KCNQ4: variants seen among roughly 807,000 people sequenced by gnomAD.
KCNQ4 encodes potassium voltage-gated channel subfamily Q member 4, also known as potassium voltage-gated channel subfamily KQT member 4.
KCNQ4 carries 31 observed loss-of-function variants against 72.6 expected under a neutral mutation model. The ratio of observed to expected loss-of-function variants is 0.43; its 90% CI spans 0.32 to 0.58. The LOEUF (loss-of-function observed/expected upper bound fraction) is 0.58. Among genes scored for constraint, KCNQ4 ranks in the 20% least tolerant of loss-of-function variants. The probability of loss-of-function intolerance (pLI) is 0.08; values close to 1 mark genes in which losing one functional copy is unlikely to be tolerated. For missense variants in KCNQ4, 869 were observed against 962.6 expected (o/e 0.90, Z 1.29); for synonymous variants, 405 against 403.7 (o/e 1.00, Z -0.04).
intron 1 of KCNQ4, among the ~76,000 whole-genome samples, chr1:40,810,343 A>G (rs1003766163): frequency 6.6e-6 from 1 of 152,140 alleles, no homozygotes; most frequent in Non-Finnish European, 1.5e-5. Flanking sequence ...GGTTGTGCGG[A>G]AGGCTTCTTG....
intron 1 of KCNQ4, among the ~76,000 whole-genome samples, chr1:40,789,493 CT>C (rs1647240414): frequency 6.6e-6 from 1 of 152,130 alleles, no homozygotes. Flanking sequence ...TTTGCTTGGT[CT>C]TTGTAAGGAG....
At chr1:40,821,764 G>C (rs74889821) in intron 7 of KCNQ4, among the ~76,000 whole-genome samples, 6,247 of 152,266 alleles carry the variant, frequency 0.041, 154 homozygotes, top group African/African-American at 0.055. Flanking sequence ...TGCAGTCTAG[G>C]GGGAGAGAAA....
At chr1:40,819,206 G>A in intron 4 of KCNQ4, 141 bp from the exon 5 acceptor site, 1 of 1,008,130 alleles carries the variant, frequency 9.9e-7, no homozygotes, top group Non-Finnish European at 1.5e-6. Flanking sequence ...CAGGGTCGCC[G>A]TGATGGGAGG....
At chr1:40,809,682 C>T (rs532350146) in intron 1 of KCNQ4, among the ~76,000 whole-genome samples, 7 of 152,340 alleles carry the variant, frequency 4.6e-5, no homozygotes, top group Non-Finnish European at 1.0e-4. Flanking sequence ...CTTGGTCTTT[C>T]TGCTGAGTCT....
At chr1:40,808,912 A>G (rs1647844384) in intron 1 of KCNQ4, among the ~76,000 whole-genome samples, 1 of 152,094 alleles carries the variant, frequency 6.6e-6, no homozygotes, top group Non-Finnish European at 1.5e-5. Context: ...AACATCTTCA[A>G]ATTGTTAAAC....
In KCNQ4 at chr1:40,839,481, G is replaced by A. The variant is rs1000979525; in HGVS notation, c.*958G>A. ...TGACACACTTGGAGACATGAGTGCA[G>A]AGCCACTCAGCCGCTCCTGGGCCTC... On this transcript the variant is annotated 3_prime_UTR_variant, in exon 14 of 14. Transcript: ENST00000347132. 2 of 152,228 alleles carry A rather than the reference G, an allele frequency of 1.3e-5. No individual in the cohort carries two copies. Among genetic ancestry groups the A allele is most frequent in the African/African-American group, 2.4e-5 (1 of 41,432 alleles). 9.4% of individuals were successfully genotyped at this position (152,228 alleles called of 1,614,324 possible). A position where few individuals can be genotyped will look rare whatever the true frequency, so the allele number is the denominator to read the frequency against.
chr1:40,804,993 C>G (rs185807506), intron 1 of KCNQ4: 1 of 152,186 alleles, frequency 6.6e-6, no homozygotes, highest in Admixed American at 6.5e-5. Flanking sequence ...CTCCTGGGAA[C>G]AGAGGACCAT....
chr1:40,831,826 C>G (rs1264339180), intron 10 of KCNQ4, among the ~76,000 whole-genome samples: 2 of 152,236 alleles, frequency 1.3e-5, no homozygotes, highest in Non-Finnish European at 1.5e-5. Context: ...CACTGCCCAG[C>G]ACTGGCTTAT....
chr1:40,819,568 G>C, intron 5 of KCNQ4, 96 bp downstream of exon 5: 1 of 1,532,156 alleles, frequency 6.5e-7, no homozygotes, highest in Non-Finnish European at 9.0e-7. Context: ...TCAGGGTTGA[G>C]CGGGCCTGCC....
In KCNQ4 at chr1:40,784,228, C is replaced by A; in HGVS notation, c.135C>A (p.Leu45=). 8.2e-7 allele frequency: 1 copy of A among 1,213,886 alleles called. No homozygotes were observed. Among genetic ancestry groups the A allele is most frequent in the South Asian group, 3.4e-5 (1 of 29,074 alleles). 75.2% of individuals were successfully genotyped at this position (1,213,886 alleles called of 1,614,324 possible). Residue 45 remains leucine, a synonymous_variant, in exon 1 of 14, where the codon CTC becomes CTA. Transcript: ENST00000347132. The surrounding 1 kb of genome is among the most constrained non-coding windows in gnomAD (Gnocchi z 4.1). ...EAGGGGSPRR[L]GLLGSPLPPG... ...GCGGGGGCGGCTCCCCGCGCCGCCT[C>A]GGCCTCCTGGGCAGCCCCCTGCCGC... is the stretch of plus-strand genomic sequence containing the variant.
At chr1:40,837,946 G>A in intron 13 of KCNQ4, 152 bp downstream of exon 13, 1 of 1,073,864 alleles carries the variant, frequency 9.3e-7, no homozygotes, top group Non-Finnish European at 1.3e-6. Flanking sequence ...CGCCCTCGCC[G>A]CCAGACATTC....
rs964190662 is a variant in KCNQ4 at position 40,800,897 on chromosome 1, G to A, written c.315-16368G>A. Among the ~76,000 whole-genome samples the A allele has an allele frequency of 5.9e-5, 9 of 152,354 alleles. No homozygotes were observed. In the South Asian group the frequency reaches 1.0e-3, roughly 18 times the overall value. On this transcript the variant is annotated intron_variant, in intron 1 of 13. Transcript: ENST00000347132. Reference sequence around the variant, plus strand: ...TCAAAGCCGATCATGGATGGATGAGGTGGAAGAGAGACAGCCCAAGAAGGG... The same window carrying A: ...TCAAAGCCGATCATGGATGGATGAGATGGAAGAGAGACAGCCCAAGAAGGG...
chr1:40,797,798 A>G (rs566111237), intron 1 of KCNQ4, among the ~76,000 whole-genome samples: 1 of 151,998 alleles, frequency 6.6e-6, no homozygotes, highest in Non-Finnish European at 1.5e-5. Context: ...GACTTTGCCT[A>G]TAGGGAAAGT....
chr1:40,838,576 C>T lies in KCNQ4; in HGVS notation c.*53C>T. On this transcript the variant is annotated 3_prime_UTR_variant, in exon 14 of 14. Coordinates refer to ENST00000347132, the MANE Select transcript of KCNQ4 (RefSeq NM_004700.4). ...CGGCCAGCCCCGCGGCCTGGCGCTC[C>T]GACTGCCCTCTGAGGCCTCCGGACT... 9 of 1,538,446 alleles carry T rather than the reference C, an allele frequency of 5.9e-6. No homozygotes were observed. The highest frequency in any genetic ancestry group is 7.2e-6 in the Non-Finnish European group (8 of 1,111,670).
intron 9 of KCNQ4, among the ~76,000 whole-genome samples, chr1:40,824,804 T>G (rs971129570): frequency 1.3e-5 from 2 of 152,204 alleles, no homozygotes; most frequent in African/African-American, 4.8e-5. Context: ...AGGACCTGCG[T>G]AAACTCAGCC....
chr1:40,810,016 C>G (rs1344529338), intron 1 of KCNQ4, among the ~76,000 whole-genome samples: 2 of 151,626 alleles, frequency 1.3e-5, no homozygotes, highest in African/African-American at 4.8e-5. Context: ...AGTGAGCCAA[C>G]ACCACTGCAC....
In KCNQ4 at chr1:40,838,302, C is replaced by A. The variant is rs1178545542; in HGVS notation, c.1876-9C>A. On this transcript the variant is annotated splice_polypyrimidine_tract_variant and intron_variant, in intron 13 of 13. Transcript: ENST00000347132. ...CAGGCCCTGCTTCCCAGCTGCGCCC[C>A]GTCCCCAGGTGCAGTCCATCGAGCA... 1.2e-6 allele frequency: 2 copies of A among 1,612,568 alleles called. No individual in the cohort carries two copies. Among genetic ancestry groups the A allele is most frequent in the Admixed American group, 1.7e-5 (1 of 60,020 alleles).
In KCNQ4 at chr1:40,818,171, T is replaced by G; in HGVS notation, c.413T>G (p.Val138Gly). ...AGGCCCCTGGTCCCACAGGAATTCG[T>G]GATGATCGTGGTTTTCGGCTTGGAG... The part of the protein sequence containing the change: ...ANECLLILEF[V>G]MIVVFGLEYI... The change falls in exon 3 of 14, where the codon GTG becomes GGG. Residue 138 changes from valine to glycine, a missense_variant. This residue lies in a region of KCNQ4 where 179 missense variants were observed against 243.0 expected (regional missense o/e 0.74). Transcript: ENST00000347132. 1 of 1,613,924 alleles carries G rather than the reference T, an allele frequency of 6.2e-7. No homozygotes were observed. Among genetic ancestry groups the G allele is most frequent in the Non-Finnish European group, 8.5e-7 (1 of 1,180,008 alleles).
chr1:40,808,419 G>A (rs1445543587), intron 1 of KCNQ4, among the ~76,000 whole-genome samples: 2 of 152,140 alleles, frequency 1.3e-5, no homozygotes, highest in East Asian at 3.9e-4. Flanking sequence ...AGCCATCCTC[G>A]CTGCTGAGGA....
Sources: gnomAD v4.1 joint callset for allele counts (sites outside exome capture counted in the v4.1 genomes callset) on GRCh38, gnomAD v4.1.1 for gene constraint, gnomAD v4.1.1 regional missense constraint, Gnocchi (gnomAD v3.1) non-coding constraint, MANE v1.5 for transcripts, NCBI Gene and HGNC (gene_info 2026-07-23, HGNC 2026-07-21) for gene names.